The following GCNT1 variants were observed in gnomAD, a reference collection of about 807,000 sequenced individuals.
GCNT1 encodes the protein beta-1,3-galactosyl-O-glycosyl-glycoprotein beta-1,6-N-acetylglucosaminyltransferase.
GCNT1 carries 16 observed loss-of-function variants against 26.2 expected under a neutral mutation model. The observed-to-expected ratio is 0.61, with a 90% confidence interval of 0.41 to 0.93. GCNT1 has a LOEUF of 0.93. Among genes scored for constraint, GCNT1 ranks in the 40% least tolerant of loss-of-function variants. The probability of loss-of-function intolerance (pLI) is 0.00; values close to 1 mark genes in which losing one functional copy is unlikely to be tolerated. For missense variants in GCNT1, 477 were observed against 526.7 expected, an observed-to-expected ratio of 0.91 and a Z score of 0.92; for synonymous variants, 183 against 190.8, an observed-to-expected ratio of 0.96 and a Z score of 0.34.
chr9:76,506,519 G>A lies in GCNT1; in HGVS notation c.*2851G>A, dbSNP rs1261651439. 4 of 166,892 alleles carry A rather than the reference G, an allele frequency of 2.4e-5. No individual in the cohort carries two copies. Among genetic ancestry groups the A allele is most frequent in the Non-Finnish European group, 5.9e-5 (4 of 68,114 alleles). 10.3% of individuals were successfully genotyped at this position (166,892 alleles called of 1,614,324 possible). ...CCACCACACCAGCCTGGGTGACAGA[G>A]TGAAACTCGTATCTCCAAACAAACA... is the stretch of plus-strand genomic sequence containing the variant. On this transcript the variant is annotated 3_prime_UTR_variant, in exon 4 of 4. Coordinates refer to ENST00000376730, the MANE Select transcript of GCNT1 (RefSeq NM_001490.5).
In GCNT1 at chr9:76,459,322, C is replaced by G. The variant is rs1027208062; in HGVS notation, c.-408+17C>G. On this transcript the variant is annotated intron_variant, in intron 1 of 3. Coordinates refer to ENST00000376730, the MANE Select transcript of GCNT1 (RefSeq NM_001490.5). ...CCACTCCAGGTAACCGGCTCTCCCTCGTGTTCCCCTGCTCGGCCGCCCGGC... is the reference window on the plus strand; with the variant it reads ...CCACTCCAGGTAACCGGCTCTCCCTGGTGTTCCCCTGCTCGGCCGCCCGGC... The G allele has an allele frequency of 2.6e-5, 4 of 152,390 alleles. No homozygotes were observed. The highest frequency in any genetic ancestry group is 9.6e-5 in the African/African-American group (4 of 41,456). 9.4% of individuals were successfully genotyped at this position (152,390 alleles called of 1,614,324 possible). A position where few individuals can be genotyped will look rare whatever the true frequency, so the allele number is the denominator to read the frequency against.
intron 1 of GCNT1, among the ~76,000 whole-genome samples, chr9:76,453,423 G>T (rs965976258): frequency 1.3e-5 from 2 of 152,194 alleles, no homozygotes; most frequent in African/African-American, 4.8e-5. Flanking sequence ...GAGATCTCAT[G>T]TTTCCCAAAG....
At chr9:76,404,175 A>G in the GCNT1 span, among the ~76,000 whole-genome samples, 31 of 152,240 alleles carry the variant, frequency 2.0e-4, no homozygotes, top group Non-Finnish European at 3.8e-4. Context: ...AGGTGTTACC[A>G]ACAGTAATTA....
intron 2 of GCNT1, among the ~76,000 whole-genome samples, chr9:76,473,107 C>T (rs977977502): frequency 2.6e-5 from 4 of 152,124 alleles, no homozygotes; most frequent in African/African-American, 4.8e-5. Flanking sequence ...AGACTCCACC[C>T]CTAGCCTGAA....
chr9:76,443,990 G>C (rs10122486), intron 1 of GCNT1, among the ~76,000 whole-genome samples: 3 of 73,718 alleles, frequency 4.1e-5, no homozygotes, highest in Non-Finnish European at 6.7e-5. Flanking sequence ...AGGAAGGAAG[G>C]AAGAAAAAAA....
intron 1 of GCNT1, among the ~76,000 whole-genome samples, chr9:76,443,385 T>C (rs926179038): frequency 6.6e-6 from 1 of 152,196 alleles, no homozygotes; most frequent in African/African-American, 2.4e-5. Flanking sequence ...TTTCTATAGA[T>C]ATTAAATTAA....
intron 1 of GCNT1, among the ~76,000 whole-genome samples, chr9:76,429,766 G>GGAA (rs1823309601): frequency 7.0e-6 from 1 of 143,722 alleles, no homozygotes; most frequent in African/African-American, 2.6e-5. Context: ...CTAGGCTGGA[G>GGAA]TTCAGTGGCG....
the GCNT1 span, among the ~76,000 whole-genome samples, chr9:76,401,814 G>C: frequency 6.6e-6 from 1 of 152,150 alleles, no homozygotes; most frequent in Non-Finnish European, 1.5e-5. Context: ...AGGATCCCTT[G>C]AGCCCAGGAG....
chr9:76,496,445 C>G (rs1824908766), intron 2 of GCNT1, among the ~76,000 whole-genome samples: 2 of 152,146 alleles, frequency 1.3e-5, no homozygotes. Flanking sequence ...TGTGCATATG[C>G]TTTTTCAGTT....
intron 2 of GCNT1, among the ~76,000 whole-genome samples, chr9:76,484,883 G>A (rs1453323056): frequency 2.7e-5 from 4 of 147,706 alleles, no homozygotes; most frequent in African/African-American, 9.9e-5. Flanking sequence ...CCGCCTCCCA[G>A]ATTCAAGTGA....
At chr9:76,490,787 C>T (rs1270420548) in intron 2 of GCNT1, among the ~76,000 whole-genome samples, 1 of 152,202 alleles carries the variant, frequency 6.6e-6, no homozygotes, top group East Asian at 1.9e-4. Context: ...TTATCACTTA[C>T]TGAATACCCA....
chr9:76,446,307 G>T (rs1479031733), intron 1 of GCNT1, among the ~76,000 whole-genome samples: 1 of 152,154 alleles, frequency 6.6e-6, no homozygotes, highest in Non-Finnish European at 1.5e-5. Flanking sequence ...GTAAGACAAG[G>T]AGAGTTTTTG....
At position 76,503,667 on chromosome 9, in the gene GCNT1, GA is replaced by G. The variant is rs1489491537; in HGVS notation, c.1287del (p.Ter429CysfsTer32). ...AAAGCTTTGGAGACATTAAAACACT[GA>G]CCATTACGGGCAATTTTATGAACAA... ...RHKALETLKH[*>X] On this transcript the variant is annotated frameshift_variant and stop_lost, in exon 4 of 4. Coordinates refer to ENST00000376730, the MANE Select transcript of GCNT1 (RefSeq NM_001490.5). LOFTEE classifies it high-confidence loss of function. The G allele has an allele frequency of 1.2e-6, 2 of 1,607,542 alleles. No homozygotes were observed.
At chr9:76,497,257 G>A (rs891919133) in intron 2 of GCNT1, among the ~76,000 whole-genome samples, 1 of 152,140 alleles carries the variant, frequency 6.6e-6, no homozygotes, top group African/African-American at 2.4e-5. Context: ...CATTAAAATA[G>A]TATAGCATGT....
In GCNT1 at chr9:76,506,761, A is replaced by C. The variant is rs1331594679; in HGVS notation, c.*3093A>C. ...TGTTGTTGTTTCTAAACATATATTTATGTCATTTATTAAGTACAGTTCACT... is the reference window on the plus strand; with the variant it reads ...TGTTGTTGTTTCTAAACATATATTTCTGTCATTTATTAAGTACAGTTCACT... On this transcript the variant is annotated 3_prime_UTR_variant, in exon 4 of 4. Coordinates refer to ENST00000376730, the MANE Select transcript of GCNT1 (RefSeq NM_001490.5). The C allele has an allele frequency of 6.0e-6, 1 of 167,006 alleles. No homozygotes were observed. Among genetic ancestry groups the C allele is most frequent in the African/African-American group, 2.4e-5 (1 of 41,444 alleles). The allele number at this position is 167,006 out of a possible 1,614,324, so 10.3% of individuals were successfully genotyped here. A position where few individuals can be genotyped will look rare whatever the true frequency, so the allele number is the denominator to read the frequency against.
chr9:76,437,718 A>C (rs539113878), upstream of GCNT1, among the ~76,000 whole-genome samples: 1 of 152,164 alleles, frequency 6.6e-6, no homozygotes, highest in South Asian at 2.1e-4. Flanking sequence ...TTCTGGTAAC[A>C]AGATCATTTT....
intron 2 of GCNT1, among the ~76,000 whole-genome samples, chr9:76,474,642 C>T (rs577028363): frequency 8.5e-5 from 13 of 152,210 alleles, no homozygotes; most frequent in South Asian, 4.1e-4. Context: ...GAACATGGAA[C>T]GTGAACGCAG....
In GCNT1 at chr9:76,502,668, T is replaced by C; in HGVS notation, c.287T>C (p.Met96Thr). The change falls in exon 4 of 4, where the codon ATG (methionine) becomes ACG (threonine). Residue 96 changes from methionine (M) to threonine (T), a missense_variant. Coordinates refer to ENST00000376730, the MANE Select transcript of GCNT1 (RefSeq NM_001490.5). Reference protein sequence around the residue: ...PRWTPDDYINMTSDCSSFIKR... With the variant: ...PRWTPDDYINTTSDCSSFIKR... ...TGGACACCTGACGACTATATAAACATGACCAGTGACTGTTCTTCTTTCATC... is the reference window on the plus strand; with the variant it reads ...TGGACACCTGACGACTATATAAACACGACCAGTGACTGTTCTTCTTTCATC... 1 of 1,614,170 alleles carries C rather than the reference T, an allele frequency of 6.2e-7. No homozygotes were observed. Among genetic ancestry groups the C allele is most frequent in the South Asian group, 1.1e-5 (1 of 91,078 alleles).
In GCNT1 at chr9:76,429,081, A is replaced by G. The variant is rs148165993; in HGVS notation, n.38+9194A>G. On this transcript the variant is annotated intron_variant and non_coding_transcript_variant, in intron 1 of 3. Transcript: ENST00000488136. ...TTCTTAATATTTAGATAAACTGCAC[A>G]TCACAGGGGTTTGGTGTACAGATTA... 2.6e-3 allele frequency among the ~76,000 whole-genome samples: 394 copies of G among 152,304 alleles called. 1 individual carries two copies. Among genetic ancestry groups the G allele is most frequent in the African/African-American group, 9.2e-3 (382 of 41,574 alleles).
Sources: allele counts gnomAD v4.1 joint callset (sites outside exome capture counted in the v4.1 genomes callset), GRCh38; gene constraint gnomAD v4.1.1; transcripts MANE v1.5; gene names NCBI Gene and HGNC (gene_info 2026-07-23, HGNC 2026-07-21).